Variants in ZNF799 observed in about 807,000 individuals in gnomAD.
ZNF799 encodes zinc finger protein 799, also known as zinc finger protein 14.
ZNF799 carries 28 observed loss-of-function variants against 41.0 expected under a neutral mutation model. That is an observed-to-expected ratio of 0.68 (90% CI 0.51 to 0.94). The LOEUF (loss-of-function observed/expected upper bound fraction) is 0.94. Among genes scored for constraint, ZNF799 ranks in the 40% least tolerant of loss-of-function variants. The probability of loss-of-function intolerance (pLI) is 0.00; values close to 1 mark genes in which losing one functional copy is unlikely to be tolerated. For missense variants in ZNF799, 716 were observed against 764.3 expected, an observed-to-expected ratio of 0.94 and a Z score of 0.74; for synonymous variants, 213 against 252.9, an observed-to-expected ratio of 0.84 and a Z score of 1.50.
chr19:12,400,819 C>T (rs1459227574), intron 1 of ZNF799: 4 of 606,088 alleles, frequency 6.6e-6, no homozygotes, highest in African/African-American at 2.0e-5. Context: ...AGACGCGAGG[C>T]TGCGGGCGCG....
the ZNF799 span, among the ~76,000 whole-genome samples, chr19:12,408,523 A>G: frequency 2.0e-5 from 3 of 152,256 alleles, no homozygotes; most frequent in South Asian, 2.1e-4. Flanking sequence ...TATTTTAAAT[A>G]GAAAGACACA....
the ZNF799 span, among the ~76,000 whole-genome samples, chr19:12,413,405 AT>A: frequency 6.6e-6 from 1 of 152,180 alleles, no homozygotes; most frequent in Non-Finnish European, 1.5e-5. Context: ...CAATCCTCAA[AT>A]TTGACCAGTA....
the ZNF799 span, among the ~76,000 whole-genome samples, chr19:12,409,461 C>T: frequency 1.3e-5 from 2 of 152,166 alleles, no homozygotes; most frequent in South Asian, 4.1e-4. Context: ...TGAAGGAGAA[C>T]AATTCCCCTC....
intron 1 of ZNF799, among the ~76,000 whole-genome samples, chr19:12,399,770 A>G (rs1367047190): frequency 1.3e-5 from 2 of 151,428 alleles, no homozygotes; most frequent in African/African-American, 2.4e-5. Flanking sequence ...CAGCCTCAGG[A>G]GTAGCTGCGA....
rs754163428 is a variant in ZNF799 at position 12,391,970 on chromosome 19, T to C, written c.428A>G (p.His143Arg). ...YHECGEKPDT[H>R]KQRGKAFSYH... is the part of the protein sequence containing the mutation. ...ACTGAAGGCTTTCCCACGTTGTTTA[T>C]GCGTATCTGGCTTCTCTCCACATTC... The change falls in exon 4 of 4, where the codon CAT (histidine) becomes CGT (arginine). Residue 143 changes from histidine (H) to arginine (R), a missense_variant. Coordinates refer to ENST00000430385, the MANE Select transcript of ZNF799 (RefSeq NM_001080821.3). 1.4e-5 allele frequency: 23 copies of C among 1,614,090 alleles called. No individual in the cohort carries two copies. In the East Asian group the frequency reaches 4.7e-4, roughly 33 times the overall value.
the ZNF799 span, among the ~76,000 whole-genome samples, chr19:12,411,469 G>C: frequency 6.6e-6 from 1 of 152,242 alleles, no homozygotes; most frequent in Non-Finnish European, 1.5e-5. Context: ...CAACACAAAA[G>C]ACAGGGACAA....
chr19:12,401,597 AGAGG>A (rs1161151898), upstream of ZNF799, among the ~76,000 whole-genome samples: 4 of 102,672 alleles, frequency 3.9e-5, no homozygotes, highest in Non-Finnish European at 7.2e-5. Context: ...AGAGAGAGAG[AGAGG>A]GAGTCTTGCT....
upstream of ZNF799, among the ~76,000 whole-genome samples, chr19:12,406,270 G>C (rs996700742): frequency 1.3e-5 from 2 of 150,626 alleles, no homozygotes; most frequent in East Asian, 3.9e-4. Flanking sequence ...ACGAGGTCAG[G>C]AAATCGAGAC....
rs1360778494 is a variant in ZNF799 at position 12,401,191 on chromosome 19, G to C, written c.-121C>G. 27 of 1,579,096 alleles carry C rather than the reference G, an allele frequency of 1.7e-5. No individual in the cohort carries two copies. The highest frequency in any genetic ancestry group is 2.2e-5 in the Non-Finnish European group (26 of 1,164,368). ...TCTCTTAGCTACAGAGCCGAGCACC[G>C]AGCGCCCAGCGCAGGTGGGTGGAGA... is the stretch of plus-strand genomic sequence containing the variant. On this transcript the variant is annotated 5_prime_UTR_variant, in exon 1 of 4. Transcript: ENST00000430385.
chr19:12,392,547 A>G (rs114079253), intron 3 of ZNF799, 56 bp downstream of exon 3: 11 of 1,452,570 alleles, frequency 7.6e-6, no homozygotes, highest in African/African-American at 2.8e-5. Context: ...TTAAATTTTC[A>G]TATCATTCTC....
rs200077318 is a variant in ZNF799, at chr19:12,391,038, C to T, written c.1360G>A (p.Gly454Arg). The change falls in exon 4 of 4, where the codon GGG becomes AGG. Residue 454 changes from glycine (G) to arginine (R), a missense_variant. Transcript: ENST00000430385. ...GAATAGAAATCAATAAAGGCTTTCC[C>T]ACATTTGCATTTATAGGGTTTCTCT... Reference protein sequence around the residue: ...TGEKPYKCKCGKAFIDFYSFQ... With the variant: ...TGEKPYKCKCRKAFIDFYSFQ... 44 of 1,613,922 alleles carry T rather than the reference C, an allele frequency of 2.7e-5. No individual in the cohort carries two copies. The highest frequency in any genetic ancestry group is 3.5e-5 in the Non-Finnish European group (41 of 1,179,966).
chr19:12,393,599 G>A (rs959339549), intron 1 of ZNF799, 176 bp from the exon 2 acceptor site: 7 of 1,451,956 alleles, frequency 4.8e-6, no homozygotes, highest in Non-Finnish European at 6.3e-6. Flanking sequence ...TAACTCTGAA[G>A]CTACAGTTAA....
the ZNF799 span, among the ~76,000 whole-genome samples, chr19:12,412,544 G>GAAA: frequency 6.8e-6 from 1 of 147,314 alleles, no homozygotes. Context: ...AAATTTGTCA[G>GAAA]AAAAAAAAAA....
At chr19:12,410,775 C>T in the ZNF799 span, among the ~76,000 whole-genome samples, 1 of 152,032 alleles carries the variant, frequency 6.6e-6, no homozygotes, top group East Asian at 1.9e-4. Context: ...TTAAAGTGAC[C>T]ATAAGGGACT....
the ZNF799 span, among the ~76,000 whole-genome samples, chr19:12,408,438 C>T: frequency 6.6e-6 from 1 of 152,014 alleles, no homozygotes; most frequent in African/African-American, 2.4e-5. Flanking sequence ...CATGTATTAT[C>T]TATAGATACC....
upstream of ZNF799, among the ~76,000 whole-genome samples, chr19:12,406,205 C>A (rs1485878311): frequency 6.7e-6 from 1 of 149,176 alleles, no homozygotes; most frequent in East Asian, 2.0e-4. Flanking sequence ...AAAGGCCCGG[C>A]GCGGTGGCTC....
At chr19:12,398,283 T>C (rs924580781) in intron 1 of ZNF799, 6 of 145,598 alleles carry the variant, frequency 4.1e-5, no homozygotes, top group Admixed American at 1.4e-4. Context: ...AAAAAAAAAA[T>C]TGGTCTTAGC....
Position 12,391,829 on chromosome 19 carries a change from A to G in ZNF799, c.569T>C (p.Val190Ala), listed in dbSNP as rs771092070. The change falls in exon 4 of 4, where the codon GTG (valine) becomes GCG (alanine). Residue 190 changes from valine to alanine, a missense_variant. Transcript: ENST00000430385. The part of the protein sequence containing the change: ...SLGNLQRHMA[V>A]QRGDGPYKCK... ...TTTATAAGGTCCATCTCCACGCTGCACTGCCATGTGTCTTTGAAGGTTTCC... is the reference window on the plus strand; with the variant it reads ...TTTATAAGGTCCATCTCCACGCTGCGCTGCCATGTGTCTTTGAAGGTTTCC... The G allele has an allele frequency of 2.5e-6, 4 of 1,614,202 alleles. No homozygotes were observed. Among genetic ancestry groups the G allele is most frequent in the Non-Finnish European group, 3.4e-6 (4 of 1,180,020 alleles).
At chr19:12,403,715 GTTAA>G (rs1340137798), upstream of ZNF799, among the ~76,000 whole-genome samples, 5 of 152,008 alleles carry the variant, frequency 3.3e-5, no homozygotes, top group Admixed American at 2.0e-4. Context: ...ACCATGTCTG[GTTAA>G]TTTTTTGTAT....
Sources: gnomAD v4.1 joint callset for allele counts (sites outside exome capture counted in the v4.1 genomes callset) on GRCh38, gnomAD v4.1.1 for gene constraint, MANE v1.5 for transcripts, NCBI Gene and HGNC (gene_info 2026-07-23, HGNC 2026-07-21) for gene names.